The following ITIH2 variants were observed in gnomAD, a reference collection of about 807,000 sequenced individuals.
ITIH2 encodes the protein inter-alpha-trypsin inhibitor heavy chain H2.
A neutral mutation model predicts 104.4 loss-of-function variants in ITIH2; 103 were observed. The ratio of observed to expected loss-of-function variants is 0.99; its 90% CI spans 0.84 to 1.16. The LOEUF (loss-of-function observed/expected upper bound fraction) is 1.16, where lower values mean the gene tolerates loss of function less well. Among genes scored for constraint, ITIH2 ranks in the 50% most tolerant of loss-of-function variants. The pLI is 0.00. For missense variants in ITIH2, 1,108 were observed against 1,162.4 expected (o/e 0.95, Z 0.68); for synonymous variants, 436 against 435.4 (o/e 1.00, Z -0.02).
At chr10:7,734,117 A>G (rs1039488238) in intron 14 of ITIH2, among the ~76,000 whole-genome samples, 5 of 152,156 alleles carry the variant, frequency 3.3e-5, no homozygotes, top group African/African-American at 1.2e-4. Flanking sequence ...AATACCCTAT[A>G]TGATACTCCA....
Position 7,732,329 on chromosome 10 carries a change from A to G in ITIH2, c.1648-9A>G, listed in dbSNP as rs773661142. 104 of 1,610,050 alleles carry G rather than the reference A, an allele frequency of 6.5e-5. No homozygotes were observed. The highest frequency in any genetic ancestry group is 8.7e-5 in the Non-Finnish European group (102 of 1,176,764). On this transcript the variant is annotated splice_polypyrimidine_tract_variant and intron_variant, in intron 13 of 20. Coordinates refer to ENST00000358415, the MANE Select transcript of ITIH2 (RefSeq NM_002216.3). ...CCAGTGTCTCTCAACTGAACCTTCC[A>G]TCATCTAGGCTAACACGCAGTTAGT...
chr10:7,731,080 G>A (rs549417319), intron 12 of ITIH2, among the ~76,000 whole-genome samples: 4 of 152,106 alleles, frequency 2.6e-5, no homozygotes, highest in East Asian at 3.9e-4. Flanking sequence ...CACCAGGCCC[G>A]GCTAATTTTT....
At chr10:7,737,198 T>G (rs898969639) in intron 15 of ITIH2, among the ~76,000 whole-genome samples, 2 of 151,254 alleles carry the variant, frequency 1.3e-5, no homozygotes, top group African/African-American at 2.4e-5. Flanking sequence ...GGAACGAGTC[T>G]GTGTCTAAAC....
intron 19 of ITIH2, among the ~76,000 whole-genome samples, chr10:7,746,248 G>A (rs1256041775): frequency 5.3e-5 from 8 of 150,930 alleles, no homozygotes; most frequent in South Asian, 2.1e-4. Flanking sequence ...AGTGGCTCAC[G>A]CCTGTGGTCC....
chr10:7,731,071 A>G (rs1446487616), intron 12 of ITIH2, among the ~76,000 whole-genome samples: 2 of 152,044 alleles, frequency 1.3e-5, no homozygotes, highest in Non-Finnish European at 2.9e-5. Context: ...GGCATGTGCC[A>G]CCAGGCCCGG....
At chr10:7,704,571 T>C (rs966745196) in intron 1 of ITIH2, among the ~76,000 whole-genome samples, 6 of 152,190 alleles carry the variant, frequency 3.9e-5, no homozygotes, top group African/African-American at 1.4e-4. Flanking sequence ...TGTTTTGATC[T>C]CTGTCTTACC....
At chr10:7,713,535 T>C (rs984107021) in intron 5 of ITIH2, among the ~76,000 whole-genome samples, 3 of 152,264 alleles carry the variant, frequency 2.0e-5, no homozygotes, top group African/African-American at 7.2e-5. Context: ...AGATGGATGT[T>C]CTGTAAATAA....
At chr10:7,730,293 CAT>C (rs1476916379) in intron 12 of ITIH2, among the ~76,000 whole-genome samples, 160 bp downstream of exon 12, 1 of 152,186 alleles carries the variant, frequency 6.6e-6, no homozygotes, top group East Asian at 1.9e-4. Context: ...TCCTTTCTCA[CAT>C]GTTTCCCCCC....
At chr10:7,716,094 C>T (rs1311549010) in intron 5 of ITIH2, among the ~76,000 whole-genome samples, 1 of 152,146 alleles carries the variant, frequency 6.6e-6, no homozygotes, top group East Asian at 1.9e-4. Context: ...AAGCAATTCT[C>T]CCCTCTCAGC....
intron 16 of ITIH2, among the ~76,000 whole-genome samples, chr10:7,741,859 C>T (rs1298048615): frequency 6.6e-6 from 1 of 152,184 alleles, no homozygotes. Context: ...AACTCTTCTA[C>T]CTCCACTCCT....
At chr10:7,705,826 C>T (rs192171088) in intron 2 of ITIH2, among the ~76,000 whole-genome samples, 28 of 152,100 alleles carry the variant, frequency 1.8e-4, no homozygotes, top group African/African-American at 6.5e-4. Context: ...TTAGCGATGA[C>T]AGACACTCCC....
At chr10:7,719,596 AAAAT>A (rs1834881837) in intron 6 of ITIH2, among the ~76,000 whole-genome samples, 1 of 151,808 alleles carries the variant, frequency 6.6e-6, no homozygotes, top group Non-Finnish European at 1.5e-5. Context: ...ACCTCTACTG[AAAAT>A]AAATAAATAA....
chr10:7,746,518 C>A, intron 19 of ITIH2, 75 bp from the exon 20 acceptor site: 1 of 953,328 alleles, frequency 1.0e-6, no homozygotes, highest in Non-Finnish European at 1.7e-6. Flanking sequence ...CGAAAGGTAG[C>A]ATGGAGTCAA....
chr10:7,726,428 T>A (rs1834952104), intron 9 of ITIH2, among the ~76,000 whole-genome samples: 1 of 152,140 alleles, frequency 6.6e-6, no homozygotes, highest in Non-Finnish European at 1.5e-5. Flanking sequence ...TTCTTTATTA[T>A]CAGGTAGGAA....
At chr10:7,706,506 T>C (rs1834748695) in intron 2 of ITIH2, among the ~76,000 whole-genome samples, 1 of 152,212 alleles carries the variant, frequency 6.6e-6, no homozygotes, top group Non-Finnish European at 1.5e-5. Flanking sequence ...AGTCACTGTG[T>C]TTGCCTCAGG....
intron 8 of ITIH2, among the ~76,000 whole-genome samples, chr10:7,722,076 C>A (rs758218028): frequency 6.6e-6 from 1 of 152,054 alleles, no homozygotes; most frequent in African/African-American, 2.4e-5. Context: ...AGGCCCTTTG[C>A]AATTAGACAA....
intron 5 of ITIH2, among the ~76,000 whole-genome samples, chr10:7,714,340 T>C (rs899520468): frequency 6.6e-6 from 1 of 151,650 alleles, no homozygotes; most frequent in Non-Finnish European, 1.5e-5. Context: ...CCCGGCTAAT[T>C]TTTTGTATTT....
chr10:7,744,669 C>T (rs771332792), intron 18 of ITIH2, 122 bp from the exon 19 acceptor site: 35 of 770,222 alleles, frequency 4.5e-5, no homozygotes, highest in East Asian at 1.1e-4. Context: ...CTGTTGCAAG[C>T]GCTTAGATAA....
In ITIH2 at chr10:7,731,902, T is replaced by C. The variant is rs999915475; in HGVS notation, c.1553T>C (p.Phe518Ser). 1 of 1,614,060 alleles carries C rather than the reference T, an allele frequency of 6.2e-7. No individual in the cohort carries two copies. The highest frequency in any genetic ancestry group is 8.5e-7 in the Non-Finnish European group (1 of 1,179,956). Reference protein sequence around the residue: ...TSVTDVTQNNFHNYFGGSEIV... With the variant: ...TSVTDVTQNNSHNYFGGSEIV... ...GTCACGGACGTCACTCAAAACAATT[T>C]CCATAACTACTTTGGAGGCTCAGAG... Residue 518 changes from phenylalanine to serine, a missense_variant, in exon 13 of 21, where the codon TTC becomes TCC. Transcript: ENST00000358415.
Sources: gnomAD v4.1 joint callset for allele counts (sites outside exome capture counted in the v4.1 genomes callset) on GRCh38, gnomAD v4.1.1 for gene constraint, MANE v1.5 for transcripts, NCBI Gene and HGNC (gene_info 2026-07-23, HGNC 2026-07-21) for gene names.